Variants in AUH observed in about 807,000 individuals in gnomAD.
AUH encodes AU RNA binding methylglutaconyl-CoA hydratase.
In AUH, 29 loss-of-function variants were observed where a neutral mutation model predicts 42.3. That is an observed-to-expected ratio of 0.69 (90% confidence interval 0.51 to 0.93). The LOEUF is 0.93. Ranked by LOEUF, AUH falls within the 40% of genes least tolerant of loss-of-function variation. The pLI, the probability that AUH is intolerant of heterozygous loss-of-function variation, is 0.00. For synonymous variants in AUH, 174 were observed against 166.4 expected (o/e 1.05, Z -0.35); for missense variants, 452 against 438.1 (o/e 1.03, Z -0.28).
At chr9:91,309,316 C>A (rs989501258) in intron 4 of AUH, among the ~76,000 whole-genome samples, 1 of 151,932 alleles carries the variant, frequency 6.6e-6, no homozygotes, top group South Asian at 2.1e-4. Context: ...GCCAAATACA[C>A]AAACTGTCTC....
chr9:91,258,174 A>G (rs771550070), intron 6 of AUH, among the ~76,000 whole-genome samples: 3 of 152,142 alleles, frequency 2.0e-5, no homozygotes, highest in Non-Finnish European at 4.4e-5. Flanking sequence ...TTTTATCTGA[A>G]CATATCATGA....
rs114260680 is a variant in AUH, at chr9:91,234,347, G to C, written c.656-13355C>G. ...CATGGAGATTTGCCAAGCTCACAAA[G>C]AGCACAGGGCAGTGACGTGCAGACC... On this transcript the variant is annotated intron_variant, in intron 6 of 9. Coordinates refer to ENST00000375731, the MANE Select transcript of AUH (RefSeq NM_001698.3). 3.7e-3 allele frequency among the ~76,000 whole-genome samples: 561 copies of C among 152,294 alleles called. 4 individuals carry two copies. Among genetic ancestry groups the C allele is most frequent in the African/African-American group, 0.013 (530 of 41,570 alleles).
chr9:91,311,327 T>A (rs1171322347), intron 4 of AUH, among the ~76,000 whole-genome samples: 1 of 152,234 alleles, frequency 6.6e-6, no homozygotes, highest in Non-Finnish European at 1.5e-5. Context: ...GTATTTCAAT[T>A]CAGCTTTGCA....
chr9:91,329,076 A>G (rs1253649523), intron 3 of AUH, among the ~76,000 whole-genome samples: 2 of 152,114 alleles, frequency 1.3e-5, no homozygotes, highest in Non-Finnish European at 2.9e-5. Context: ...AGGTTCATGC[A>G]TGTTATAAGC....
At chr9:91,290,050 ATTT>A (rs1826732152) in intron 6 of AUH, among the ~76,000 whole-genome samples, 1 of 152,206 alleles carries the variant, frequency 6.6e-6, no homozygotes, top group Non-Finnish European at 1.5e-5. Flanking sequence ...GCTACATAAC[ATTT>A]TATGAGCTAT....
At position 91,272,572 on chromosome 9, in the gene AUH, C is replaced by T. The variant is rs368505358; in HGVS notation, c.655+23449G>A. ...AAGACCATCAGGATTCATCTGAAAA[C>T]ACCCGATACCCATTCTAATAACCTT... is the stretch of plus-strand genomic sequence containing the variant. On this transcript the variant is annotated intron_variant, in intron 6 of 9. Transcript: ENST00000375731. 4.6e-5 allele frequency among the ~76,000 whole-genome samples: 7 copies of T among 152,320 alleles called. No individual in the cohort carries two copies. The East Asian group carries it at 1.4e-3, about 29-fold the overall frequency.
chr9:91,319,842 G>A (rs1218561873), intron 4 of AUH, among the ~76,000 whole-genome samples: 2 of 152,200 alleles, frequency 1.3e-5, no homozygotes, highest in African/African-American at 4.8e-5. Flanking sequence ...CAATTCAAAA[G>A]GTCAAACGGT....
At chr9:91,356,649 T>C (rs1311948633) in intron 1 of AUH, among the ~76,000 whole-genome samples, 2 of 152,128 alleles carry the variant, frequency 1.3e-5, no homozygotes, top group Non-Finnish European at 2.9e-5. Context: ...ACTCAACCTA[T>C]ACAAAACAAA....
intron 6 of AUH, among the ~76,000 whole-genome samples, chr9:91,222,114 A>G (rs1247178071): frequency 6.6e-6 from 1 of 152,242 alleles, no homozygotes; most frequent in Non-Finnish European, 1.5e-5. Flanking sequence ...TTCTTTCTGC[A>G]TTAGTTAGCA....
chr9:91,226,892 T>G (rs1191599574), intron 6 of AUH, among the ~76,000 whole-genome samples: 28 of 131,996 alleles, frequency 2.1e-4, no homozygotes, highest in African/African-American at 7.4e-4. Context: ...GAGGGCTCTG[T>G]TCTGTTCCAT....
intron 6 of AUH, among the ~76,000 whole-genome samples, chr9:91,223,783 A>G (rs1441307484): frequency 6.6e-6 from 1 of 152,044 alleles, no homozygotes; most frequent in Non-Finnish European, 1.5e-5. Flanking sequence ...GCATTTTGAA[A>G]CCCACCCAAT....
chr9:91,288,281 T>C (rs758582556), intron 6 of AUH, among the ~76,000 whole-genome samples: 1 of 152,250 alleles, frequency 6.6e-6, no homozygotes, highest in Non-Finnish European at 1.5e-5. Flanking sequence ...AATAAAAGGA[T>C]CTTAATCCTC....
chr9:91,295,841 C>T (rs891570789), intron 6 of AUH, among the ~76,000 whole-genome samples, 180 bp downstream of exon 6: 6 of 152,072 alleles, frequency 3.9e-5, no homozygotes, highest in East Asian at 1.9e-4. Context: ...TGTTTCATTG[C>T]GGTGGGGAAA....
chr9:91,300,770 C>T (rs187233110), intron 4 of AUH, among the ~76,000 whole-genome samples: 2 of 152,344 alleles, frequency 1.3e-5, no homozygotes, highest in East Asian at 3.9e-4. Context: ...CCCCAAACTA[C>T]TTAAAACAGC....
intron 6 of AUH, among the ~76,000 whole-genome samples, chr9:91,242,592 G>T (rs1032195828): frequency 6.6e-6 from 1 of 152,202 alleles, no homozygotes; most frequent in Non-Finnish European, 1.5e-5. Flanking sequence ...CAGAAGTGAA[G>T]GAAGTGACAC....
chr9:91,269,633 T>C (rs1230975694), intron 6 of AUH, among the ~76,000 whole-genome samples: 1 of 152,246 alleles, frequency 6.6e-6, no homozygotes, highest in Non-Finnish European at 1.5e-5. Flanking sequence ...AGTTTAGTCA[T>C]GTTATACTTC....
At chr9:91,226,786 C>G (rs1219064647) in intron 6 of AUH, among the ~76,000 whole-genome samples, 10 of 120,898 alleles carry the variant, frequency 8.3e-5, no homozygotes, top group African/African-American at 3.2e-4. Context: ...CCAGTTTTCC[C>G]AGCACCATTT....
intron 8 of AUH, among the ~76,000 whole-genome samples, chr9:91,216,636 G>A (rs1201355402): frequency 6.6e-6 from 1 of 152,140 alleles, no homozygotes; most frequent in Non-Finnish European, 1.5e-5. Flanking sequence ...ATACAGCCCA[G>A]GAAGATGCGG....
chr9:91,246,722 T>A (rs927942767), intron 6 of AUH, among the ~76,000 whole-genome samples: 18 of 152,182 alleles, frequency 1.2e-4, no homozygotes, highest in Non-Finnish European at 2.6e-4. Flanking sequence ...CACAATGAAG[T>A]TAGAAGCTAA....
Sources: allele counts gnomAD v4.1 joint callset (sites outside exome capture counted in the v4.1 genomes callset), GRCh38; gene constraint gnomAD v4.1.1; transcripts MANE v1.5; gene names NCBI Gene and HGNC (gene_info 2026-07-23, HGNC 2026-07-21).